Variants in DYNC1LI2 observed in about 807,000 individuals in gnomAD.
DYNC1LI2 encodes cytoplasmic dynein 1 light intermediate chain 2.
DYNC1LI2 carries 19 observed loss-of-function variants against 57.8 expected under a neutral mutation model. The observed-to-expected ratio is 0.33, with a 90% confidence interval of 0.23 to 0.48. The LOEUF (loss-of-function observed/expected upper bound fraction) is 0.48. Among genes scored for constraint, DYNC1LI2 ranks in the 20% least tolerant of loss-of-function variants. The pLI is 0.99. For missense variants in DYNC1LI2, 470 were observed against 604.2 expected (o/e 0.78, Z 2.33); for synonymous variants, 256 against 233.4 (o/e 1.10, Z -0.88).
chr16:66,748,162 C>T (rs2017971970), intron 3 of DYNC1LI2, among the ~76,000 whole-genome samples: 1 of 151,196 alleles, frequency 6.6e-6, no homozygotes, highest in Non-Finnish European at 1.5e-5. Context: ...TCTATAGTCC[C>T]AGCTGCTTAG....
chr16:66,725,965 A>C, intron 11 of DYNC1LI2, 21 bp from the exon 12 acceptor site: 1 of 1,604,870 alleles, frequency 6.2e-7, no homozygotes, highest in Non-Finnish European at 8.5e-7. Context: ...TTAAAGAGAA[A>C]AAAAAGCATC....
intron 4 of DYNC1LI2, among the ~76,000 whole-genome samples, chr16:66,736,688 G>C (rs2017741236): frequency 6.6e-6 from 1 of 152,132 alleles, no homozygotes; most frequent in East Asian, 1.9e-4. Context: ...GTAGAGGTGG[G>C]ATCTTCCTGT....
Position 66,723,406 on chromosome 16 carries a change from A to G in DYNC1LI2, c.*316T>C, listed in dbSNP as rs917973316. Reference sequence around the variant, plus strand: ...ATGATTTCTTGGTCTCATTTGCTCCACCCTGTTAGAAAGTGGGCCCTCTTT... The same window carrying G: ...ATGATTTCTTGGTCTCATTTGCTCCGCCCTGTTAGAAAGTGGGCCCTCTTT... On this transcript the variant is annotated 3_prime_UTR_variant, in exon 13 of 13. Coordinates refer to ENST00000258198, the MANE Select transcript of DYNC1LI2 (RefSeq NM_006141.3). 4.0e-6 allele frequency: 2 copies of G among 499,430 alleles called. No individual in the cohort carries two copies. The highest frequency in any genetic ancestry group is 5.7e-5 in the East Asian group (1 of 17,676). The allele number at this position is 499,430 out of a possible 1,614,324, so 30.9% of individuals were successfully genotyped here.
Position 66,737,509 on chromosome 16 carries a change from AAT to A in DYNC1LI2, c.530-1267_530-1266del, listed in dbSNP as rs56745365. 7.0e-3 allele frequency among the ~76,000 whole-genome samples: 1,051 copies of A among 150,214 alleles called. 70 individuals carry two copies. The East Asian group carries it at 0.12, about 18-fold the overall frequency. On this transcript the variant is annotated intron_variant, in intron 4 of 12. Transcript: ENST00000258198. ...CCGTCTCAAAAAAAAAAAAAAAAAA[AAT>A]GCTTAATGAAACAATTGAATTTTAT...
At chr16:66,733,640 G>C (rs2017678363) in intron 6 of DYNC1LI2, 1 of 152,704 alleles carries the variant, frequency 6.5e-6, no homozygotes, top group South Asian at 2.1e-4. Flanking sequence ...AGGAGGTGGA[G>C]GTTGCAGTGA....
intron 4 of DYNC1LI2, among the ~76,000 whole-genome samples, chr16:66,741,494 G>A (rs1360579833): frequency 6.6e-6 from 1 of 152,154 alleles, no homozygotes; most frequent in African/African-American, 2.4e-5. Context: ...ATGAAGTACT[G>A]GACAGAAAAC....
chr16:66,727,924 A>C, intron 10 of DYNC1LI2, 119 bp from the exon 11 acceptor site: 1 of 977,296 alleles, frequency 1.0e-6, no homozygotes, highest in Non-Finnish European at 1.5e-6. Flanking sequence ...CAGGACTGGG[A>C]GTATGCTCTC....
At chr16:66,725,773 T>C (rs536917080) in intron 12 of DYNC1LI2, 55 bp downstream of exon 12, 5 of 1,561,120 alleles carry the variant, frequency 3.2e-6, no homozygotes, top group Non-Finnish European at 3.5e-6. Context: ...TGCCTCTCCA[T>C]CCTTGCAGCA....
chr16:66,747,665 G>C (rs1398008612), intron 3 of DYNC1LI2, among the ~76,000 whole-genome samples: 2 of 151,212 alleles, frequency 1.3e-5, no homozygotes. Flanking sequence ...CACCTCCTGG[G>C]TTCAAGTGAT....
At chr16:66,727,560 T>C (rs1209627156) in intron 11 of DYNC1LI2, 128 bp downstream of exon 11, 2 of 814,416 alleles carry the variant, frequency 2.5e-6, no homozygotes, top group South Asian at 1.8e-5. Flanking sequence ...AAGTAGCCCT[T>C]ATCGGGGAAG....
chr16:66,747,598 C>A (rs538631754), intron 3 of DYNC1LI2, among the ~76,000 whole-genome samples: 179 of 146,716 alleles, frequency 1.2e-3, no homozygotes, highest in Admixed American at 3.5e-3. Flanking sequence ...AAGAAGGAGT[C>A]TCGTTTTATC....
Position 66,723,322 on chromosome 16 carries a change from T to A in DYNC1LI2, c.*400A>T, listed in dbSNP as rs2017480389. The A allele has an allele frequency of 2.2e-6, 1 of 458,676 alleles. No individual in the cohort carries two copies. The highest frequency in any genetic ancestry group is 4.4e-6 in the Non-Finnish European group (1 of 228,308). 28.4% of individuals were successfully genotyped at this position (458,676 alleles called of 1,614,324 possible). ...TGGACTTTCTGCTACTTAATCTGCT[T>A]CCCAAGAACAAGTGAATTTACTAAC... On this transcript the variant is annotated 3_prime_UTR_variant, in exon 13 of 13. Coordinates refer to ENST00000258198, the MANE Select transcript of DYNC1LI2 (RefSeq NM_006141.3).
rs777182006 is a variant in DYNC1LI2, at chr16:66,723,196, A to T, written c.*526T>A. On this transcript the variant is annotated 3_prime_UTR_variant, in exon 13 of 13. Coordinates refer to ENST00000258198, the MANE Select transcript of DYNC1LI2 (RefSeq NM_006141.3). ...ATTCTTCAACTTCTACTGAATGCAC[A>T]GTATTTACTGACACTGCTCATCTCC... The T allele has an allele frequency of 5.1e-5, 19 of 369,518 alleles. No homozygotes were observed. The highest frequency in any genetic ancestry group is 8.2e-5 in the Non-Finnish European group (15 of 183,790). 22.9% of individuals were successfully genotyped at this position (369,518 alleles called of 1,614,324 possible).
chr16:66,729,450 C>A (rs907993743), intron 8 of DYNC1LI2, among the ~76,000 whole-genome samples: 1 of 152,118 alleles, frequency 6.6e-6, no homozygotes, highest in Non-Finnish European at 1.5e-5. Context: ...TCCTTCCCAC[C>A]AGCCCTGAGC....
At chr16:66,749,985 T>C (rs2018013127) in intron 2 of DYNC1LI2, among the ~76,000 whole-genome samples, 2 of 152,198 alleles carry the variant, frequency 1.3e-5, no homozygotes, top group Admixed American at 6.5e-5. Flanking sequence ...ACTAGGCACT[T>C]CTGCCATTTA....
At chr16:66,748,592 A>G (rs1004726340) in intron 3 of DYNC1LI2, among the ~76,000 whole-genome samples, 22 of 152,142 alleles carry the variant, frequency 1.4e-4, no homozygotes, top group Non-Finnish European at 2.9e-5. Flanking sequence ...TAAAAAACAG[A>G]GACGGTCTCG....
At chr16:66,726,159 G>C (rs946018463) in intron 11 of DYNC1LI2, among the ~76,000 whole-genome samples, 4 of 152,120 alleles carry the variant, frequency 2.6e-5, no homozygotes, top group Admixed American at 2.0e-4. Context: ...ACTTGTTTGG[G>C]AGCAGAATAG....
chr16:66,723,778 T>C lies in DYNC1LI2; in HGVS notation c.1423A>G (p.Met475Val). 3 of 1,608,994 alleles carry C rather than the reference T, an allele frequency of 1.9e-6. No individual in the cohort carries two copies. The highest frequency in any genetic ancestry group is 2.5e-6 in the Non-Finnish European group (3 of 1,179,040). The part of the protein sequence containing the change: ...LSNVQEELDR[M>V]TRKPDSMVTN... ...ACCATAGAGTCTGGCTTTCGAGTCA[T>C]TCTATCCAGTTCTTCCTGAACATTT... Residue 475 changes from methionine (M) to valine (V), a missense_variant, in exon 13 of 13, where the codon ATG (methionine) becomes GTG (valine). By Grantham distance (21) the Met-to-Val change is conservative. Transcript: ENST00000258198.
rs1257897814 is a variant in DYNC1LI2 at position 66,751,191 on chromosome 16, G to T, written c.181+82C>A. The T allele has an allele frequency of 1.1e-5, 16 of 1,462,746 alleles. No homozygotes were observed. In the East Asian group the frequency reaches 3.9e-4, roughly 36 times the overall value. The allele number at this position is 1,462,746 out of a possible 1,614,324, so 90.6% of individuals were successfully genotyped here. On this transcript the variant is annotated intron_variant, in intron 2 of 12. Transcript: ENST00000258198. This position sits in a 1 kb window ranked among gnomAD's most constrained non-coding sequence, Gnocchi z 5.2. ...CAGGCTGCGGGCAGGCGGCTGGAACGGGGAAGGCGGGGACCTGAGGGAGGG... is the reference window on the plus strand; with the variant it reads ...CAGGCTGCGGGCAGGCGGCTGGAACTGGGAAGGCGGGGACCTGAGGGAGGG...
Sources: allele counts gnomAD v4.1 joint callset (sites outside exome capture counted in the v4.1 genomes callset), GRCh38; gene constraint gnomAD v4.1.1; non-coding constraint Gnocchi (gnomAD v3.1); transcripts MANE v1.5; gene names NCBI Gene and HGNC (gene_info 2026-07-23, HGNC 2026-07-21).